The following CSNK2A1 variants were observed in gnomAD, a reference collection of about 807,000 sequenced individuals.
CSNK2A1 encodes the protein casein kinase II subunit alpha.
A neutral mutation model predicts 62.9 loss-of-function variants in CSNK2A1; 10 were observed. The observed-to-expected ratio is 0.16, with a 90% CI of 0.10 to 0.27. CSNK2A1 has a LOEUF of 0.27. Ranked by LOEUF, CSNK2A1 falls within the 10% of genes least tolerant of loss-of-function variation. The probability of loss-of-function intolerance (pLI) is 1.00; values close to 1 mark genes in which losing one functional copy is unlikely to be tolerated. For missense variants in CSNK2A1, 160 were observed against 492.0 expected (o/e 0.33, Z 6.38); for synonymous variants, 124 against 167.8 (o/e 0.74, Z 2.02).
intron 2 of CSNK2A1, among the ~76,000 whole-genome samples, chr20:513,035 T>C (rs1387072860): frequency 3.3e-5 from 5 of 152,118 alleles, no homozygotes; most frequent in African/African-American, 1.2e-4. Context: ...TAGAGAAAGG[T>C]GTAGGTGTGA....
chr20:536,525 C>G (rs970795190), intron 1 of CSNK2A1, among the ~76,000 whole-genome samples: 5 of 152,086 alleles, frequency 3.3e-5, no homozygotes, highest in Admixed American at 6.6e-5. Context: ...AGTTGTTATC[C>G]GAACTGTAGA....
At chr20:506,911 T>C (rs777323554) in intron 3 of CSNK2A1, 2 of 152,172 alleles carry the variant, frequency 1.3e-5, no homozygotes, top group Non-Finnish European at 2.9e-5. Flanking sequence ...AATTTGAAGA[T>C]AGCGGCTGAA....
intron 2 of CSNK2A1, among the ~76,000 whole-genome samples, chr20:517,232 A>G (rs2018846509): frequency 1.3e-5 from 2 of 152,234 alleles, no homozygotes; most frequent in South Asian, 4.1e-4. Context: ...TAGAAGGCCA[A>G]CTTAATACAA....
chr20:499,675 G>GA lies in CSNK2A1; in HGVS notation c.315+157dup. The GA allele has an allele frequency of 1.5e-6, 1 of 687,558 alleles. No individual in the cohort carries two copies. The highest frequency in any genetic ancestry group is 2.5e-5 in the East Asian group (1 of 39,764). The allele number at this position is 687,558 out of a possible 1,614,324, so 42.6% of individuals were successfully genotyped here. A position where few individuals can be genotyped will look rare whatever the true frequency, so the allele number is the denominator to read the frequency against. ...TCTGTGGGTGGAGGTCTCTTTGAAA[G>GA]AAAGACCCAAGCTAGTTAAATGGTA... On this transcript the variant is annotated intron_variant, in intron 5 of 13. Coordinates refer to ENST00000217244, the MANE Select transcript of CSNK2A1 (RefSeq NM_177559.3). The surrounding 1 kb of genome is among the most constrained non-coding windows in gnomAD (Gnocchi z 4.2).
intron 9 of CSNK2A1, 129 bp downstream of exon 9, chr20:492,125 T>G: frequency 1.5e-6 from 1 of 665,310 alleles, no homozygotes; most frequent in South Asian, 1.9e-5. Context: ...ACATTTCATA[T>G]AAAAAGGACA....
rs2017814963 is a variant in CSNK2A1 at position 474,764 on chromosome 20, A to G, written c.*9197T>C. ...CATCACTCCTCTTTCCATTGTCATC[A>G]TACTGTAATCCTGGTTAGACCAGTA... On this transcript the variant is annotated 3_prime_UTR_variant, in exon 14 of 14. Transcript: ENST00000217244. The G allele has an allele frequency of 6.6e-6, 1 of 152,208 alleles. No individual in the cohort carries two copies. 9.4% of individuals were successfully genotyped at this position (152,208 alleles called of 1,614,324 possible). A position where few individuals can be genotyped will look rare whatever the true frequency, so the allele number is the denominator to read the frequency against.
chr20:490,021 CT>C, intron 9 of CSNK2A1, 140 bp from the exon 10 acceptor site: 1 of 625,242 alleles, frequency 1.6e-6, no homozygotes, highest in Non-Finnish European at 2.5e-6. Context: ...TCATATATTT[CT>C]TTTTAGTCTT....
intron 2 of CSNK2A1, among the ~76,000 whole-genome samples, chr20:526,157 T>C (rs6116412): frequency 6.6e-6 from 1 of 151,314 alleles, no homozygotes; most frequent in African/African-American, 2.4e-5. Flanking sequence ...ACAAAGAGGA[T>C]CCACAATACC....
intron 1 of CSNK2A1, among the ~76,000 whole-genome samples, chr20:532,203 C>T (rs1251837912): frequency 1.3e-5 from 2 of 151,070 alleles, no homozygotes; most frequent in Non-Finnish European, 2.9e-5. Context: ...CTCGCTCTGT[C>T]GCCAGGCCTG....
intron 13 of CSNK2A1, 67 bp from the exon 14 acceptor site, chr20:484,143 C>T (rs1391503839): frequency 1.0e-5 from 13 of 1,272,768 alleles, no homozygotes; most frequent in Non-Finnish European, 1.4e-5. Context: ...TTTCTCATAG[C>T]ACTCACTGCA....
At chr20:528,620 T>A (rs1436586492) in intron 1 of CSNK2A1, among the ~76,000 whole-genome samples, 1 of 152,132 alleles carries the variant, frequency 6.6e-6, no homozygotes, top group Non-Finnish European at 1.5e-5. Context: ...TCTTTTGTTT[T>A]TTTTTCTGAG....
In CSNK2A1 at chr20:482,361, G is replaced by C. The variant is rs1354303755; in HGVS notation, c.*1600C>G. ...ACTAGGCTTCCTCAGTGAAGCACCT[G>C]ATAAACTTAGGTGGTTGGATTACAG... On this transcript the variant is annotated 3_prime_UTR_variant, in exon 14 of 14. Transcript: ENST00000217244. 6.6e-6 allele frequency: 1 copy of C among 152,172 alleles called. No individual in the cohort carries two copies. Among genetic ancestry groups the C allele is most frequent in the African/African-American group, 2.4e-5 (1 of 41,430 alleles). The allele number at this position is 152,172 out of a possible 1,614,324, so 9.4% of individuals were successfully genotyped here.
chr20:479,197 C>T lies in CSNK2A1; in HGVS notation c.*4764G>A, dbSNP rs2017908066. ...TCCAAATGCAAACATCTATGGCCTC[C>T]CTATAATGTAGCATCCTTTTACTGT... On this transcript the variant is annotated 3_prime_UTR_variant, in exon 14 of 14. Coordinates refer to ENST00000217244, the MANE Select transcript of CSNK2A1 (RefSeq NM_177559.3). The T allele has an allele frequency of 6.6e-6, 1 of 152,268 alleles. No homozygotes were observed. Among genetic ancestry groups the T allele is most frequent in the Non-Finnish European group, 1.5e-5 (1 of 68,130 alleles). 9.4% of individuals were successfully genotyped at this position (152,268 alleles called of 1,614,324 possible).
intron 1 of CSNK2A1, among the ~76,000 whole-genome samples, chr20:535,034 C>CAAAAA (rs11469217): frequency 5.3e-4 from 27 of 50,792 alleles, no homozygotes; most frequent in African/African-American, 1.8e-3. Context: ...TGCTATCTCC[C>CAAAAA]AAAAAAAAAA....
chr20:525,336 A>G (rs2019056834), intron 2 of CSNK2A1, among the ~76,000 whole-genome samples: 1 of 151,918 alleles, frequency 6.6e-6, no homozygotes, highest in African/African-American at 2.4e-5. Flanking sequence ...ACATGGCGAG[A>G]CCTCGCCTCT....
chr20:538,134 G>C (rs2019373894), intron 1 of CSNK2A1, among the ~76,000 whole-genome samples: 1 of 152,096 alleles, frequency 6.6e-6, no homozygotes, highest in Admixed American at 6.5e-5. Flanking sequence ...AATTTTAGTA[G>C]AGATGGGGTT....
chr20:486,598 G>A (rs865955240), intron 12 of CSNK2A1, 136 bp from the exon 13 acceptor site: 1 of 827,392 alleles, frequency 1.2e-6, no homozygotes, highest in East Asian at 2.9e-5. Flanking sequence ...ACTTAAGGTG[G>A]CAATTGCCTT....
At chr20:524,099 G>T (rs1035595998) in intron 2 of CSNK2A1, among the ~76,000 whole-genome samples, 2 of 151,636 alleles carry the variant, frequency 1.3e-5, no homozygotes, top group Non-Finnish European at 2.9e-5. Flanking sequence ...TTTAAAAAAA[G>T]GAAAAAAATT....
intron 13 of CSNK2A1, 43 bp from the exon 14 acceptor site, chr20:484,119 G>A: frequency 5.5e-6 from 8 of 1,459,960 alleles, no homozygotes; most frequent in South Asian, 1.4e-5. Context: ...CACCAACCAT[G>A]GCAATCTTAC....
Sources: allele counts gnomAD v4.1 joint callset (sites outside exome capture counted in the v4.1 genomes callset), GRCh38; gene constraint gnomAD v4.1.1; non-coding constraint Gnocchi (gnomAD v3.1); transcripts MANE v1.5; gene names NCBI Gene and HGNC (gene_info 2026-07-23, HGNC 2026-07-21).